The following DUSP13B variants were observed in gnomAD, a reference collection of about 807,000 sequenced individuals.
DUSP13B encodes the protein dual specificity protein phosphatase 13B.
At chr10:75,103,134 G>T in the DUSP13B span, among the ~76,000 whole-genome samples, 1,087 of 152,302 alleles carry the variant, frequency 7.1e-3, 7 homozygotes, top group Middle Eastern at 0.02. Context: ...GCCTTCAAGG[G>T]TATTATAGAA....
At chr10:75,105,410 G>T in the DUSP13B span, among the ~76,000 whole-genome samples, 1 of 152,198 alleles carries the variant, frequency 6.6e-6, no homozygotes, top group African/African-American at 2.4e-5. Context: ...GAAGGATCCA[G>T]GTGGGGTGGG....
chr10:75,105,411 G>C, the DUSP13B span, among the ~76,000 whole-genome samples: 1 of 152,160 alleles, frequency 6.6e-6, no homozygotes, highest in Non-Finnish European at 1.5e-5. Context: ...AAGGATCCAG[G>C]TGGGGTGGGG....
At chr10:75,099,017 G>A in the DUSP13B span, 1 of 1,232,310 alleles carries the variant, frequency 8.1e-7, no homozygotes, top group Non-Finnish European at 1.0e-6. Context: ...CAGGCCCTGG[G>A]TTTTCCTCCT....
chr10:75,104,949 CT>C, the DUSP13B span, among the ~76,000 whole-genome samples: 3 of 152,132 alleles, frequency 2.0e-5, no homozygotes, highest in Non-Finnish European at 4.4e-5. Flanking sequence ...GAAAAAGCTA[CT>C]GCTGTTCCAG....
chr10:75,099,000 C>G, the DUSP13B span: 1 of 1,232,306 alleles, frequency 8.1e-7, no homozygotes, highest in Non-Finnish European at 1.0e-6. Flanking sequence ...AGCCACACAC[C>G]TGCCTACAGG....
At chr10:75,100,522 G>A in the DUSP13B span, among the ~76,000 whole-genome samples, 1 of 152,118 alleles carries the variant, frequency 6.6e-6, no homozygotes, top group Admixed American at 6.5e-5. Context: ...CTTGGTCTTC[G>A]GAGGGCCCTG....
the DUSP13B span, among the ~76,000 whole-genome samples, chr10:75,096,259 A>C: frequency 6.8e-4 from 103 of 151,882 alleles, no homozygotes; most frequent in Middle Eastern, 3.4e-3. Flanking sequence ...CATCTCAAAA[A>C]AACAACAACA....
At chr10:75,105,750 G>T in the DUSP13B span, 5 of 1,554,154 alleles carry the variant, frequency 3.2e-6, no homozygotes, top group Non-Finnish European at 4.3e-6. Context: ...AGACCCATCG[G>T]TGCTGCCTCA....
At chr10:75,109,159 G>C in the DUSP13B span, 11 of 1,577,756 alleles carry the variant, frequency 7.0e-6, no homozygotes, top group Non-Finnish European at 8.6e-6. Context: ...CTCAGCCATG[G>C]GCCAGCCCGC....
At chr10:75,098,434 A>G in the DUSP13B span, among the ~76,000 whole-genome samples, 44 of 152,112 alleles carry the variant, frequency 2.9e-4, no homozygotes, top group East Asian at 6.2e-3. Context: ...TTTGTTAGCA[A>G]CTCCGCATGG....
chr10:75,098,353 C>T, the DUSP13B span, among the ~76,000 whole-genome samples: 12 of 152,224 alleles, frequency 7.9e-5, no homozygotes, highest in Non-Finnish European at 1.6e-4. Flanking sequence ...AGACCCCCGT[C>T]CCCTCCCACT....
the DUSP13B span, among the ~76,000 whole-genome samples, chr10:75,098,565 C>A: frequency 6.6e-6 from 1 of 152,074 alleles, no homozygotes; most frequent in East Asian, 1.9e-4. Flanking sequence ...AGTTCGAGAC[C>A]AGCCTGGCCA....
chr10:75,098,368 G>A, the DUSP13B span, among the ~76,000 whole-genome samples: 1 of 152,176 alleles, frequency 6.6e-6, no homozygotes, highest in African/African-American at 2.4e-5. Context: ...CCCACTTTCA[G>A]GGGCTTGGAG....
chr10:75,104,669 T>C, the DUSP13B span, among the ~76,000 whole-genome samples: 5 of 152,272 alleles, frequency 3.3e-5, no homozygotes, highest in South Asian at 1.0e-3. Flanking sequence ...CAGAGCTCCA[T>C]GCCACAGCTT....
At chr10:75,106,732 T>A in the DUSP13B span, among the ~76,000 whole-genome samples, 1 of 152,258 alleles carries the variant, frequency 6.6e-6, no homozygotes, top group Non-Finnish European at 1.5e-5. Context: ...TCTTAAAGTC[T>A]GGATTCCCAG....
At chr10:75,095,578 G>A in the DUSP13B span, 1 of 1,613,608 alleles carries the variant, frequency 6.2e-7, no homozygotes, top group Non-Finnish European at 8.5e-7. Flanking sequence ...AGTGCACCTT[G>A]GGGAACACTG....
the DUSP13B span, chr10:75,104,039 A>G: frequency 7.3e-7 from 1 of 1,363,556 alleles, no homozygotes; most frequent in Non-Finnish European, 9.8e-7. Flanking sequence ...CAGCACCAGC[A>G]GGATCAGTGC....
the DUSP13B span, chr10:75,099,638 C>G: frequency 2.2e-6 from 2 of 912,678 alleles, no homozygotes; most frequent in Non-Finnish European, 2.9e-6. Flanking sequence ...TCCCTCTAAA[C>G]CCCCAGGCCT....
At chr10:75,107,697 C>T in the DUSP13B span, among the ~76,000 whole-genome samples, 1 of 152,170 alleles carries the variant, frequency 6.6e-6, no homozygotes, top group Non-Finnish European at 1.5e-5. Context: ...CTGCCTCAGC[C>T]TCCAGAGTAG....
Sources: gnomAD v4.1 joint callset for allele counts (sites outside exome capture counted in the v4.1 genomes callset) on GRCh38, gnomAD v4.1.1 for gene constraint, MANE v1.5 for transcripts, NCBI Gene and HGNC (gene_info 2026-07-23, HGNC 2026-07-21) for gene names.